VRK3: variants seen among roughly 807,000 people sequenced by gnomAD.
VRK3 encodes VRK serine/threonine kinase 3.
Under a neutral mutation model 60.4 loss-of-function variants are expected in VRK3, and 50 were observed. The ratio of observed to expected loss-of-function variants is 0.83; its 90% CI spans 0.66 to 1.05. The LOEUF (loss-of-function observed/expected upper bound fraction) is 1.05, where lower values mean the gene tolerates loss of function less well. Among genes scored for constraint, VRK3 ranks in the 50% least tolerant of loss-of-function variants. VRK3 has a pLI of 0.00. For missense variants in VRK3, 549 were observed against 585.3 expected, an observed-to-expected ratio of 0.94 and a Z score of 0.64; for synonymous variants, 246 against 227.8, an observed-to-expected ratio of 1.08 and a Z score of -0.72.
chr19:49,992,031 C>T (rs2076620534), intron 10 of VRK3, among the ~76,000 whole-genome samples: 2 of 152,228 alleles, frequency 1.3e-5, no homozygotes, highest in Non-Finnish European at 2.9e-5. Context: ...TTGCCAGGAA[C>T]ATCTTGTACA....
At chr19:50,017,297 G>A (rs542030300) in intron 2 of VRK3, among the ~76,000 whole-genome samples, 6 of 152,044 alleles carry the variant, frequency 3.9e-5, no homozygotes, top group Admixed American at 6.6e-5. Flanking sequence ...ACTATTGGCC[G>A]GGCACGGTGG....
intron 10 of VRK3, among the ~76,000 whole-genome samples, chr19:49,992,146 G>C (rs542682832): frequency 6.6e-6 from 1 of 152,220 alleles, no homozygotes; most frequent in South Asian, 2.1e-4. Flanking sequence ...GGTGGCTCAG[G>C]CCTGTAATCC....
chr19:50,020,816 A>G lies in VRK3; in HGVS notation c.-64-169T>C, dbSNP rs957211412. ...GAGTTTCCTGTTTATGCCAGCCACT[A>G]GGGAAACAGCAGCAAAGGAAACAAC... On this transcript the variant is annotated intron_variant, in intron 1 of 14. Transcript: ENST00000316763. 2.0e-5 allele frequency among the ~76,000 whole-genome samples: 3 copies of G among 152,354 alleles called. No individual in the cohort carries two copies. In the South Asian group the frequency reaches 6.2e-4, roughly 32 times the overall value.
chr19:49,982,546 G>A (rs769879116), intron 12 of VRK3, among the ~76,000 whole-genome samples: 13 of 152,210 alleles, frequency 8.5e-5, no homozygotes, highest in Admixed American at 1.3e-4. Flanking sequence ...ATAGTGTGGA[G>A]GCTGAAATAG....
At chr19:49,997,606 C>A in intron 6 of VRK3, 36 bp from the exon 7 acceptor site, 3 of 1,611,700 alleles carry the variant, frequency 1.9e-6, no homozygotes, top group Non-Finnish European at 2.5e-6. Flanking sequence ...GGCTGTCACA[C>A]TGAAGTCTCA....
At chr19:49,994,540 C>T (rs901669393) in intron 9 of VRK3, among the ~76,000 whole-genome samples, 2 of 152,204 alleles carry the variant, frequency 1.3e-5, no homozygotes, top group Non-Finnish European at 2.9e-5. Flanking sequence ...AGAGTCTTGG[C>T]TTAGAAACAC....
At chr19:50,009,207 A>G (rs2076954524) in intron 4 of VRK3, 29 bp downstream of exon 4, 1 of 1,608,016 alleles carries the variant, frequency 6.2e-7, no homozygotes, top group Non-Finnish European at 8.5e-7. Flanking sequence ...TCCACTTAAG[A>G]GTCAGGCCAG....
At chr19:49,989,916 T>A in intron 10 of VRK3, 145 bp from the exon 11 acceptor site, 1 of 1,016,250 alleles carries the variant, frequency 9.8e-7, no homozygotes, top group Non-Finnish European at 1.3e-6. Flanking sequence ...ATAGTAAAAA[T>A]GATGTGAAGT....
At chr19:50,019,858 A>G (rs2077142949) in intron 2 of VRK3, among the ~76,000 whole-genome samples, 1 of 150,768 alleles carries the variant, frequency 6.6e-6, no homozygotes, top group African/African-American at 2.4e-5. Flanking sequence ...ATGTGAACAA[A>G]GCGTTTGTTT....
chr19:50,000,358 A>C (rs1014112477), intron 6 of VRK3: 7 of 182,534 alleles, frequency 3.8e-5, no homozygotes, highest in Non-Finnish European at 8.1e-5. Context: ...ATTTCACTGA[A>C]TCCTCAGCAC....
rs139139568 is a variant in VRK3 at position 50,005,165 on chromosome 19, A to C, written c.547+2404T>G. ...CCCAGGAGACAGGGGACAAGGCGTC[A>C]TCTCACTTTTCCAGTGGAGGACATC... On this transcript the variant is annotated intron_variant, in intron 5 of 14. Transcript: ENST00000316763. Among the ~76,000 whole-genome samples, 72 of 149,110 alleles carry C rather than the reference A, an allele frequency of 4.8e-4. No homozygotes were observed. In the East Asian group the frequency reaches 0.014, roughly 28 times the overall value.
At chr19:49,978,879 G>A in intron 14 of VRK3, 1 of 471,224 alleles carries the variant, frequency 2.1e-6, no homozygotes, top group South Asian at 4.6e-5. Flanking sequence ...TTTTCTTAAA[G>A]CCAAGTTGAG....
intron 1 of VRK3, among the ~76,000 whole-genome samples, chr19:50,024,080 G>C (rs569064098): frequency 9.0e-4 from 137 of 152,266 alleles, no homozygotes; most frequent in African/African-American, 3.2e-3. Flanking sequence ...TGGGATTACA[G>C]GCGCATGCCA....
At chr19:49,997,791 CA>C in intron 6 of VRK3, 1 of 504,410 alleles carries the variant, frequency 2.0e-6, no homozygotes, top group Non-Finnish European at 3.5e-6. Context: ...GTAAGAGCCA[CA>C]GTGTTCCCTA....
At chr19:49,995,428 G>T (rs1015281381) in intron 7 of VRK3, among the ~76,000 whole-genome samples, 153 bp from the exon 8 acceptor site, 2 of 152,232 alleles carry the variant, frequency 1.3e-5, no homozygotes, top group East Asian at 3.8e-4. Flanking sequence ...ATGGTGGGAA[G>T]GGGCTGGTGA....
At chr19:49,985,347 G>A (rs1427735388) in intron 12 of VRK3, among the ~76,000 whole-genome samples, 1 of 152,206 alleles carries the variant, frequency 6.6e-6, no homozygotes, top group African/African-American at 2.4e-5. Context: ...GTTCTAGCAG[G>A]TCCTGAGGCT....
At chr19:50,023,739 T>G (rs56115007) in intron 1 of VRK3, among the ~76,000 whole-genome samples, 14,551 of 88,242 alleles carry the variant, frequency 0.16, 824 homozygotes, top group East Asian at 0.51. Context: ...AGAAGGTGGG[T>G]GGGGGGGGTC....
intron 12 of VRK3, among the ~76,000 whole-genome samples, chr19:49,984,512 T>C (rs1444325152): frequency 6.6e-6 from 1 of 152,112 alleles, no homozygotes; most frequent in East Asian, 1.9e-4. Flanking sequence ...TGTCCGTGTC[T>C]CCTCCCAGCC....
intron 7 of VRK3, 168 bp downstream of exon 7, chr19:49,997,336 A>T (rs2076723581): frequency 1.5e-6 from 1 of 650,226 alleles, no homozygotes; most frequent in South Asian, 2.1e-5. Flanking sequence ...CACAACACAC[A>T]CTGAGGCCTG....
Sources: allele counts gnomAD v4.1 joint callset (sites outside exome capture counted in the v4.1 genomes callset), GRCh38; gene constraint gnomAD v4.1.1; transcripts MANE v1.5; gene names NCBI Gene and HGNC (gene_info 2026-07-23, HGNC 2026-07-21).